SUSD6: variants seen among roughly 807,000 people sequenced by gnomAD.
SUSD6 encodes the protein sushi domain containing 6.
SUSD6 carries 16 observed loss-of-function variants against 28.4 expected under a neutral mutation model. The ratio of observed to expected loss-of-function variants is 0.56; its 90% CI spans 0.38 to 0.86. The LOEUF is 0.86. Among genes scored for constraint, SUSD6 ranks in the 40% least tolerant of loss-of-function variants. The pLI is 0.00. For synonymous variants in SUSD6, 147 were observed against 159.6 expected (o/e 0.92, Z 0.59); for missense variants, 341 against 384.2 (o/e 0.89, Z 0.94).
intron 2 of SUSD6, among the ~76,000 whole-genome samples, chr14:69,696,131 G>T (rs995656305): frequency 2.0e-5 from 3 of 152,204 alleles, no homozygotes; most frequent in African/African-American, 7.2e-5. Flanking sequence ...CTGATGCCCT[G>T]CCCCCCTCAG....
chr14:69,691,342 C>G (rs912325958), intron 2 of SUSD6, among the ~76,000 whole-genome samples: 9 of 152,156 alleles, frequency 5.9e-5, no homozygotes, highest in African/African-American at 2.2e-4. Context: ...CAGAGCAAAA[C>G]TCTATCTCAA....
intron 1 of SUSD6, 100 bp from the exon 2 acceptor site, chr14:69,658,413 C>T (rs1352323163): frequency 7.9e-6 from 5 of 629,266 alleles, no homozygotes; most frequent in Non-Finnish European, 1.1e-5. Flanking sequence ...CTAGAATTCT[C>T]TCAACTTTGT....
At chr14:69,647,727 G>C (rs559339014) in intron 1 of SUSD6, among the ~76,000 whole-genome samples, 1 of 152,210 alleles carries the variant, frequency 6.6e-6, no homozygotes, top group South Asian at 2.1e-4. Context: ...GCTCACGCCT[G>C]TAATCCCAGC....
chr14:69,641,450 A>G (rs1885351627), intron 1 of SUSD6, among the ~76,000 whole-genome samples: 1 of 151,684 alleles, frequency 6.6e-6, no homozygotes, highest in African/African-American at 2.4e-5. Context: ...CTTTTTTCTC[A>G]GTGTATAATT....
chr14:69,707,951 G>A (rs1886408499), intron 4 of SUSD6, among the ~76,000 whole-genome samples: 1 of 152,118 alleles, frequency 6.6e-6, no homozygotes, highest in African/African-American at 2.4e-5. Context: ...TCTGGGCAGT[G>A]TTCTTTTTCT....
intron 1 of SUSD6, among the ~76,000 whole-genome samples, chr14:69,612,834 C>T (rs1281969040): frequency 6.6e-6 from 1 of 152,122 alleles, no homozygotes; most frequent in African/African-American, 2.4e-5. Context: ...CTTTTTTGAT[C>T]TACAGAGATG....
intron 1 of SUSD6, among the ~76,000 whole-genome samples, chr14:69,657,129 G>T (rs1272972952): frequency 2.0e-5 from 3 of 152,160 alleles, no homozygotes; most frequent in East Asian, 3.8e-4. Context: ...GGAGGGGAGA[G>T]TAGGCCTGAG....
chr14:69,635,347 A>G (rs1027813713), intron 1 of SUSD6, among the ~76,000 whole-genome samples: 8 of 152,202 alleles, frequency 5.3e-5, no homozygotes, highest in African/African-American at 1.9e-4. Flanking sequence ...ACAATAGTAC[A>G]ATAGTTCCTC....
chr14:69,638,820 C>T (rs879848297), intron 1 of SUSD6, among the ~76,000 whole-genome samples: 3 of 152,158 alleles, frequency 2.0e-5, no homozygotes, highest in Non-Finnish European at 4.4e-5. Flanking sequence ...TCAGGACTTG[C>T]GTAATTTAAA....
At chr14:69,700,683 G>C (rs567369178) in intron 2 of SUSD6, among the ~76,000 whole-genome samples, 4 of 152,194 alleles carry the variant, frequency 2.6e-5, no homozygotes, top group African/African-American at 9.6e-5. Context: ...TCCTTTCCTA[G>C]GCTCCCCTAT....
chr14:69,632,474 C>G (rs1885209395), intron 1 of SUSD6, among the ~76,000 whole-genome samples: 1 of 152,074 alleles, frequency 6.6e-6, no homozygotes, highest in Non-Finnish European at 1.5e-5. Flanking sequence ...TGCTTCCTTC[C>G]CCTTTTCTCT....
intron 4 of SUSD6, among the ~76,000 whole-genome samples, chr14:69,706,475 C>G (rs1431962688): frequency 6.6e-6 from 1 of 151,692 alleles, no homozygotes; most frequent in African/African-American, 2.4e-5. Context: ...TTTTCTTTTT[C>G]TGAGACAGGG....
intron 1 of SUSD6, among the ~76,000 whole-genome samples, chr14:69,646,408 G>A (rs1052182840): frequency 5.9e-5 from 9 of 152,024 alleles, no homozygotes; most frequent in African/African-American, 2.2e-4. Context: ...ATTTTGCATG[G>A]TTTCAACTGT....
chr14:69,641,420 T>C (rs1461252476), intron 1 of SUSD6, among the ~76,000 whole-genome samples: 1 of 152,158 alleles, frequency 6.6e-6, no homozygotes, highest in Non-Finnish European at 1.5e-5. Flanking sequence ...AGTTCAGTGA[T>C]GTTCTGTTCT....
At chr14:69,640,873 G>A (rs768540441) in intron 1 of SUSD6, among the ~76,000 whole-genome samples, 6 of 152,174 alleles carry the variant, frequency 3.9e-5, no homozygotes, top group African/African-American at 1.2e-4. Context: ...AGTCTGTAAC[G>A]TTCTGAGGAC....
chr14:69,626,541 T>A (rs938561164), intron 1 of SUSD6, among the ~76,000 whole-genome samples: 2 of 152,230 alleles, frequency 1.3e-5, no homozygotes, highest in African/African-American at 4.8e-5. Flanking sequence ...ACTTTTCATT[T>A]TTCGTTGTAG....
rs530455255 is a variant in SUSD6, at chr14:69,632,329, C to T, written c.-81+20501C>T. ...TGCATTTCTGGGAGCCAGGCTGGCCCTCCTGTTGCTCTCAGGGCTGACACT... is the reference window on the plus strand; with the variant it reads ...TGCATTTCTGGGAGCCAGGCTGGCCTTCCTGTTGCTCTCAGGGCTGACACT... On this transcript the variant is annotated intron_variant, in intron 1 of 5. Coordinates refer to ENST00000342745, the MANE Select transcript of SUSD6 (RefSeq NM_014734.4). Among the ~76,000 whole-genome samples, 7 of 152,250 alleles carry T rather than the reference C, an allele frequency of 4.6e-5. No individual in the cohort carries two copies. The South Asian group carries it at 1.4e-3, about 32-fold the overall frequency.
chr14:69,699,075 A>G (rs976853289), intron 2 of SUSD6, among the ~76,000 whole-genome samples: 9 of 152,138 alleles, frequency 5.9e-5, no homozygotes, highest in African/African-American at 2.2e-4. Flanking sequence ...TTTCTTTGCC[A>G]TGTGGGTTTT....
intron 2 of SUSD6, among the ~76,000 whole-genome samples, chr14:69,682,468 C>G (rs373863825): frequency 1.3e-5 from 2 of 152,092 alleles, no homozygotes; most frequent in Non-Finnish European, 2.9e-5. Flanking sequence ...AACCCAGGCC[C>G]TCTGGCACAT....
Sources: allele counts gnomAD v4.1 joint callset (sites outside exome capture counted in the v4.1 genomes callset), GRCh38; gene constraint gnomAD v4.1.1; transcripts MANE v1.5; gene names NCBI Gene and HGNC (gene_info 2026-07-23, HGNC 2026-07-21).